TIMM44: variants seen among roughly 807,000 people sequenced by gnomAD.
The protein encoded by TIMM44 is translocase of inner mitochondrial membrane 44.
In TIMM44, 37 loss-of-function variants were observed where a neutral mutation model predicts 63.8. That is an observed-to-expected ratio of 0.58 (90% confidence interval 0.45 to 0.76). The LOEUF (loss-of-function observed/expected upper bound fraction) is 0.76, where lower values mean the gene tolerates loss of function less well. Among genes scored for constraint, TIMM44 ranks in the 30% least tolerant of loss-of-function variants. TIMM44 has a pLI of 0.00. For missense variants in TIMM44, 573 were observed against 603.8 expected (o/e 0.95, Z 0.54); for synonymous variants, 239 against 245.1 (o/e 0.98, Z 0.23).
At chr19:7,932,464 G>T in intron 9 of TIMM44, 163 bp downstream of exon 9, 1 of 970,116 alleles carries the variant, frequency 1.0e-6, no homozygotes, top group Non-Finnish European at 1.5e-6. Flanking sequence ...CACAGCTCAT[G>T]GGGCAGCTGC....
Position 7,927,077 on chromosome 19 carries a change from G to C in TIMM44, c.*110C>G. ...CTTGCAGCCGTCCTGGCAGAGCTGGGGGCAGAGCCCGCAGTCTTGTTCCCA... is the reference window on the plus strand; with the variant it reads ...CTTGCAGCCGTCCTGGCAGAGCTGGCGGCAGAGCCCGCAGTCTTGTTCCCA... On this transcript the variant is annotated 3_prime_UTR_variant, in exon 13 of 13. Coordinates refer to ENST00000270538, the MANE Select transcript of TIMM44 (RefSeq NM_006351.4). 1 of 1,468,924 alleles carries C rather than the reference G, an allele frequency of 6.8e-7. No homozygotes were observed. The highest frequency in any genetic ancestry group is 2.0e-5 in the Admixed American group (1 of 50,598). The allele number at this position is 1,468,924 out of a possible 1,614,324, so 91.0% of individuals were successfully genotyped here.
Position 7,943,535 on chromosome 19 carries a change from G to C in TIMM44, c.45+72C>G. On this transcript the variant is annotated intron_variant, in intron 1 of 12. Transcript: ENST00000270538. This position sits in a 1 kb window ranked among gnomAD's most constrained non-coding sequence, Gnocchi z 4.3. ...AGGGTCGCGAAGGCCAAGGGTCTGA[G>C]AAGAAAGCCTTGGTGGCCGAAGGCC... is the stretch of plus-strand genomic sequence containing the variant. 6.6e-7 allele frequency: 1 copy of C among 1,514,242 alleles called. No homozygotes were observed. Among genetic ancestry groups the C allele is most frequent in the South Asian group, 1.2e-5 (1 of 83,930 alleles). The allele number at this position is 1,514,242 out of a possible 1,614,324, so 93.8% of individuals were successfully genotyped here. A position where few individuals can be genotyped will look rare whatever the true frequency, so the allele number is the denominator to read the frequency against.
Position 7,926,896 on chromosome 19 carries a change from G to T in TIMM44, c.*291C>A. On this transcript the variant is annotated 3_prime_UTR_variant, in exon 13 of 13. Transcript: ENST00000270538. ...GTGGGGGGAGTCCCTGGGCCCTGGG[G>T]CCTCTTGGCACTGTGTGACCTGTGT... 2.3e-6 allele frequency: 1 copy of T among 433,356 alleles called. No homozygotes were observed. The highest frequency in any genetic ancestry group is 4.3e-6 in the Non-Finnish European group (1 of 231,046). 26.8% of individuals were successfully genotyped at this position (433,356 alleles called of 1,614,324 possible).
Position 7,936,547 on chromosome 19 carries a change from G to A in TIMM44, c.313-1402C>T, listed in dbSNP as rs183106911. ...ACCCGTGGCAGGTGCCTGCATCTCT[G>A]AGGCTCAGCTGCTCATTGGTAAAAT... On this transcript the variant is annotated intron_variant, in intron 3 of 12. Transcript: ENST00000270538. 4.0e-3 allele frequency among the ~76,000 whole-genome samples: 602 copies of A among 152,340 alleles called. 2 individuals carry two copies. Among genetic ancestry groups the A allele is most frequent in the African/African-American group, 0.014 (566 of 41,574 alleles).
chr19:7,930,730 G>A (rs763666525), intron 10 of TIMM44, among the ~76,000 whole-genome samples: 3 of 152,114 alleles, frequency 2.0e-5, no homozygotes, highest in Non-Finnish European at 4.4e-5. Context: ...ATAGGCCACC[G>A]TGCCCAGACC....
Position 7,934,949 on chromosome 19 carries a change from C to T in TIMM44, c.393+116G>A, listed in dbSNP as rs1485555332. Reference sequence around the variant, plus strand: ...CCTTCCCGAGGGTGGCAGCACGCCCCATGCCACCCACTGCTGCCAAGCCAC... The same window carrying T: ...CCTTCCCGAGGGTGGCAGCACGCCCTATGCCACCCACTGCTGCCAAGCCAC... On this transcript the variant is annotated intron_variant, in intron 4 of 12. Coordinates refer to ENST00000270538, the MANE Select transcript of TIMM44 (RefSeq NM_006351.4). This position sits in a 1 kb window ranked among gnomAD's most constrained non-coding sequence, Gnocchi z 5.3. The T allele has an allele frequency of 4.4e-5, 40 of 914,184 alleles. No homozygotes were observed. The highest frequency in any genetic ancestry group is 5.9e-5 in the Non-Finnish European group (34 of 571,482). The allele number at this position is 914,184 out of a possible 1,614,324, so 56.6% of individuals were successfully genotyped here.
At chr19:7,939,647 G>T (rs35227991) in intron 2 of TIMM44, among the ~76,000 whole-genome samples, 14,082 of 150,038 alleles carry the variant, frequency 0.094, 778 homozygotes, top group African/African-American at 0.16. Flanking sequence ...TGGACACAGT[G>T]GCTCATATCT....
chr19:7,932,273 G>A (rs1984006659), intron 9 of TIMM44: 2 of 349,078 alleles, frequency 5.7e-6, no homozygotes, highest in Non-Finnish European at 1.1e-5. Context: ...CAGCTCTGAT[G>A]TCTGAAGACA....
At position 7,932,701 on chromosome 19, in the gene TIMM44, G is replaced by A. The variant is rs1179379146; in HGVS notation, c.913C>T (p.Arg305Trp). 6.8e-6 allele frequency: 11 copies of A among 1,614,048 alleles called. No individual in the cohort carries two copies. The highest frequency in any genetic ancestry group is 2.2e-5 in the East Asian group (1 of 44,878). Residue 305 changes from arginine (R) to tryptophan (W), a missense_variant, in exon 9 of 13, where the codon CGG (arginine) becomes TGG (tryptophan). By Grantham distance (101) the Arg-to-Trp change is moderately radical (BLOSUM62 -3). Transcript: ENST00000270538. ...TCCTTGTCAAAGGCCGGGTCCACCC[G>A]GAGGATCTCCGTGAGCACCTCCGAC... ...EMSEVLTEIL[R>W]VDPAFDKDRF...
chr19:7,934,282 G>T lies in TIMM44; in HGVS notation c.394-44C>A, dbSNP rs750406317. On this transcript the variant is annotated intron_variant, in intron 4 of 12. Transcript: ENST00000270538. The surrounding 1 kb of genome is among the most constrained non-coding windows in gnomAD (Gnocchi z 5.3). ...AGAGGGGGCGTTGGCACCGGCCCTG[G>T]CGGCCGGGGGGCGGGGCAGGAGGAA... 1.2e-4 allele frequency: 191 copies of T among 1,604,720 alleles called. 1 individual carries two copies. The highest frequency in any genetic ancestry group is 1.5e-4 in the Non-Finnish European group (178 of 1,179,244).
At position 7,934,007 on chromosome 19, in the gene TIMM44, C is replaced by G. The variant is rs772175924; in HGVS notation, c.544-4G>C. 1.9e-6 allele frequency: 3 copies of G among 1,613,920 alleles called. No homozygotes were observed. The Admixed American group carries it at 5.0e-5, about 27-fold the overall frequency. ...CCTTCTTCACGGACTCCACCCCCTG[C>G]GAGGGAGGCACAGCGGGGCTGGGGT... On this transcript the variant is annotated splice_polypyrimidine_tract_variant and splice_region_variant and intron_variant, in intron 5 of 12. Transcript: ENST00000270538. This position sits in a 1 kb window ranked among gnomAD's most constrained non-coding sequence, Gnocchi z 5.3.
chr19:7,937,696 G>A (rs1984194696), intron 3 of TIMM44: 2 of 336,476 alleles, frequency 5.9e-6, no homozygotes, highest in African/African-American at 2.2e-5. Flanking sequence ...CCCTGGCCCT[G>A]GAAACAAACA....
At chr19:7,932,991 T>A in intron 7 of TIMM44, 59 bp from the exon 8 acceptor site, 1 of 1,387,552 alleles carries the variant, frequency 7.2e-7, no homozygotes, top group Non-Finnish European at 1.0e-6. Flanking sequence ...CAACCCTCCC[T>A]CACAGCTTCT....
chr19:7,927,273 G>T lies in TIMM44; in HGVS notation c.1273C>A (p.Leu425Ile). ...KVLRMLYVWA[L>I]CRDQDELNPY... ...TTGAGCTCGTCCTGGTCTCGGCAGA[G>T]CGCCCACACGTACAGCATCCGCAGC... The change falls in exon 13 of 13, where the codon CTC (leucine) becomes ATC (isoleucine). Residue 425 changes from leucine to isoleucine, a missense_variant. Physicochemically the swap from Leu to Ile is conservative, Grantham distance 5. Coordinates refer to ENST00000270538, the MANE Select transcript of TIMM44 (RefSeq NM_006351.4). The T allele has an allele frequency of 6.2e-7, 1 of 1,611,972 alleles. No homozygotes were observed.
In TIMM44 at chr19:7,937,816, G is replaced by A. The variant is rs536359048; in HGVS notation, c.312+211C>T. The stretch of plus-strand genomic sequence containing the variant: ...GCGGATCACTTGAGGTCAGGAGTTC[G>A]AGACCAGCCTGGCCAACATGGTGAA... On this transcript the variant is annotated intron_variant, in intron 3 of 12. Transcript: ENST00000270538. 7.1e-4 allele frequency: 378 copies of A among 532,722 alleles called. 1 individual carries two copies. Among genetic ancestry groups the A allele is most frequent in the African/African-American group, 6.7e-3 (348 of 52,038 alleles). 33.0% of individuals were successfully genotyped at this position (532,722 alleles called of 1,614,324 possible). A position where few individuals can be genotyped will look rare whatever the true frequency, so the allele number is the denominator to read the frequency against.
intron 12 of TIMM44, 101 bp from the exon 13 acceptor site, chr19:7,927,407 T>C: frequency 7.0e-7 from 1 of 1,438,556 alleles, no homozygotes; most frequent in South Asian, 1.1e-5. Flanking sequence ...ACCGGCAACT[T>C]CCCCAGGGGC....
rs1295971984 is a variant in TIMM44 at position 7,933,426 on chromosome 19, T to C, written c.769+59A>G. 1 of 1,480,988 alleles carries C rather than the reference T, an allele frequency of 6.8e-7. No individual in the cohort carries two copies. The highest frequency in any genetic ancestry group is 1.4e-5 in the African/African-American group (1 of 72,330). 91.7% of individuals were successfully genotyped at this position (1,480,988 alleles called of 1,614,324 possible). The stretch of plus-strand genomic sequence containing the variant: ...TTGTGCCCAATGCAGGGGGATCACC[T>C]TGCGGTCCACCAACTGCCCGGGACA... On this transcript the variant is annotated intron_variant, in intron 7 of 12. Transcript: ENST00000270538. The surrounding 1 kb of genome is among the most constrained non-coding windows in gnomAD (Gnocchi z 4.3).
At chr19:7,928,188 C>A in intron 10 of TIMM44, 22 bp from the exon 11 acceptor site, 1 of 1,606,416 alleles carries the variant, frequency 6.2e-7, no homozygotes, top group Non-Finnish European at 8.5e-7. Context: ...GGCCGACACG[C>A]CTGCGTGATG....
rs1260333480 is a variant in TIMM44 at position 7,926,811 on chromosome 19, G to A, written c.*376C>T. ...GTTAAAATTAAAAAATGGACCTAAA[G>A]TGGCTTGGCTGACGTGGCTAGCGGG... On this transcript the variant is annotated 3_prime_UTR_variant, in exon 13 of 13. Coordinates refer to ENST00000270538, the MANE Select transcript of TIMM44 (RefSeq NM_006351.4). The A allele has an allele frequency of 1.6e-5, 5 of 322,576 alleles. No homozygotes were observed. The East Asian group carries it at 3.8e-4, about 24-fold the overall frequency. The allele number at this position is 322,576 out of a possible 1,614,324, so 20.0% of individuals were successfully genotyped here. A position where few individuals can be genotyped will look rare whatever the true frequency, so the allele number is the denominator to read the frequency against.
Sources: gnomAD v4.1 joint callset for allele counts (sites outside exome capture counted in the v4.1 genomes callset) on GRCh38, gnomAD v4.1.1 for gene constraint, Gnocchi (gnomAD v3.1) non-coding constraint, MANE v1.5 for transcripts, NCBI Gene and HGNC (gene_info 2026-07-23, HGNC 2026-07-21) for gene names.